SMTNL2: variants seen among roughly 807,000 people sequenced by gnomAD.
SMTNL2 encodes the protein smoothelin-like protein 2.
Under a neutral mutation model 44.1 loss-of-function variants are expected in SMTNL2, and 43 were observed. The observed-to-expected ratio is 0.98, with a 90% CI of 0.76 to 1.26. SMTNL2 has a LOEUF of 1.26. Among genes scored for constraint, SMTNL2 ranks in the 50% most tolerant of loss-of-function variants. The pLI is 0.00. For missense variants in SMTNL2, 646 were observed against 670.2 expected (o/e 0.96, Z 0.40); for synonymous variants, 317 against 287.6 (o/e 1.10, Z -1.03).
intron 7 of SMTNL2, among the ~76,000 whole-genome samples, chr17:4,599,978 A>T (rs890798914): frequency 3.3e-5 from 5 of 152,012 alleles, no homozygotes; most frequent in African/African-American, 9.7e-5. Flanking sequence ...GAAGCCGCTG[A>T]GATGAGTTCT....
Position 4,596,856 on chromosome 17 carries a change from G to T in SMTNL2, c.990-4G>T. 2.1e-6 allele frequency: 3 copies of T among 1,457,058 alleles called. No homozygotes were observed. Among genetic ancestry groups the T allele is most frequent in the South Asian group, 1.4e-5 (1 of 73,136 alleles). The allele number at this position is 1,457,058 out of a possible 1,614,324, so 90.3% of individuals were successfully genotyped here. The stretch of plus-strand genomic sequence containing the variant: ...CCCGCAGCAGGCCTGCCGTCTCTCC[G>T]CAGGGGGAAAGGCGAGGCCCGGGCC... On this transcript the variant is annotated splice_polypyrimidine_tract_variant and splice_region_variant and intron_variant, in intron 5 of 7. Coordinates refer to ENST00000389313, the MANE Select transcript of SMTNL2 (RefSeq NM_001114974.2).
In SMTNL2 at chr17:4,592,765, T is replaced by C. The variant is rs919404313; in HGVS notation, c.488-164T>C. Among the ~76,000 whole-genome samples the C allele has an allele frequency of 6.6e-6, 1 of 152,052 alleles. No individual in the cohort carries two copies. The highest frequency in any genetic ancestry group is 2.4e-5 in the African/African-American group (1 of 41,412). On this transcript the variant is annotated intron_variant, in intron 2 of 7. Coordinates refer to ENST00000389313, the MANE Select transcript of SMTNL2 (RefSeq NM_001114974.2). The surrounding 1 kb of genome is among the most constrained non-coding windows in gnomAD (Gnocchi z 4.5). Reference sequence around the variant, plus strand: ...GAAAAATCAATTCTGGTTGGAGCAGTAAGATATCCCTGGTAGGGGAGGTCA... The same window carrying C: ...GAAAAATCAATTCTGGTTGGAGCAGCAAGATATCCCTGGTAGGGGAGGTCA...
rs1453443482 is a variant in SMTNL2 at position 4,592,586 on chromosome 17, G to A, written c.487+138G>A. Reference sequence around the variant, plus strand: ...CTGAACCCCAGCAGGGAGAGAGGCTGCCAGGAGAGCAGCGTCATTCAGTAG... The same window carrying A: ...CTGAACCCCAGCAGGGAGAGAGGCTACCAGGAGAGCAGCGTCATTCAGTAG... On this transcript the variant is annotated intron_variant, in intron 2 of 7. Coordinates refer to ENST00000389313, the MANE Select transcript of SMTNL2 (RefSeq NM_001114974.2). This position sits in a 1 kb window ranked among gnomAD's most constrained non-coding sequence, Gnocchi z 4.5. 2 of 780,792 alleles carry A rather than the reference G, an allele frequency of 2.6e-6. No homozygotes were observed. The highest frequency in any genetic ancestry group is 4.0e-6 in the Non-Finnish European group (2 of 497,970). The allele number at this position is 780,792 out of a possible 1,614,324, so 48.4% of individuals were successfully genotyped here.
In SMTNL2 at chr17:4,600,962, A is replaced by G. The variant is rs2150524902; in HGVS notation, c.1259+3639A>G. ...GTCTGCATTTAGAGCAGGCTTAAAA[A>G]AATAAAAATAACCCCCAAGCCCATC... On this transcript the variant is annotated intron_variant, in intron 7 of 7. Coordinates refer to ENST00000389313, the MANE Select transcript of SMTNL2 (RefSeq NM_001114974.2). The surrounding 1 kb of genome is among the most constrained non-coding windows in gnomAD (Gnocchi z 4.7). Among the ~76,000 whole-genome samples, 1 of 152,292 alleles carries G rather than the reference A, an allele frequency of 6.6e-6. No homozygotes were observed. The highest frequency in any genetic ancestry group is 2.1e-4 in the South Asian group (1 of 4,828).
intron 3 of SMTNL2, 138 bp downstream of exon 3, chr17:4,593,309 C>T (rs917339584): frequency 7.7e-6 from 10 of 1,299,366 alleles, no homozygotes; most frequent in Non-Finnish European, 1.0e-5. Flanking sequence ...CCTGCCATGT[C>T]AGCCCCTTCC....
At chr17:4,601,132 C>T (rs374876607) in intron 7 of SMTNL2, among the ~76,000 whole-genome samples, 2 of 152,192 alleles carry the variant, frequency 1.3e-5, no homozygotes, top group Non-Finnish European at 1.5e-5. Flanking sequence ...GGATTGGCCG[C>T]GCACAGTGGC....
At chr17:4,584,229 C>T (rs1364487722), upstream of SMTNL2, 2 of 177,316 alleles carry the variant, frequency 1.1e-5, no homozygotes, top group Non-Finnish European at 2.4e-5. Flanking sequence ...CTGGGCCTTG[C>T]GGGTGAGAGT....
chr17:4,591,503 G>A (rs911249020), intron 1 of SMTNL2, among the ~76,000 whole-genome samples: 5 of 152,218 alleles, frequency 3.3e-5, no homozygotes, highest in African/African-American at 4.8e-5. Flanking sequence ...GGGAGTCCTC[G>A]GGCCCCATCT....
In SMTNL2 at chr17:4,584,910, CCCCGCCCGCGCCCGGGGTT is replaced by C; in HGVS notation, c.310_328del (p.Pro104ThrfsTer36). 7.7e-7 allele frequency: 1 copy of C among 1,292,862 alleles called. No individual in the cohort carries two copies. The highest frequency in any genetic ancestry group is 2.3e-5 in the South Asian group (1 of 42,662). 80.1% of individuals were successfully genotyped at this position (1,292,862 alleles called of 1,614,324 possible). ...CCCGGCACTCCCGGCACGCCCAGCC[CCCCGCCCGCGCCCGGGGTT>C]CCCGACCGCGCGCCCCGCCTGGGCA... On this transcript the variant is annotated frameshift_variant, in exon 1 of 8. Transcript: ENST00000389313. LOFTEE classifies it high-confidence loss of function.
At position 4,595,554 on chromosome 17, in the gene SMTNL2, C is replaced by G. The variant is rs938011229; in HGVS notation, c.989+227C>G. On this transcript the variant is annotated intron_variant, in intron 5 of 7. Coordinates refer to ENST00000389313, the MANE Select transcript of SMTNL2 (RefSeq NM_001114974.2). This position sits in a 1 kb window ranked among gnomAD's most constrained non-coding sequence, Gnocchi z 5.1. ...GGGGAGATGGCTGTGAGGCAGGGAG[C>G]CAGGAAGGCTTGGTGAGAGCCCCTC... Among the ~76,000 whole-genome samples, 2 of 152,332 alleles carry G rather than the reference C, an allele frequency of 1.3e-5. No homozygotes were observed. Among genetic ancestry groups the G allele is most frequent in the African/African-American group, 4.8e-5 (2 of 41,576 alleles).
At chr17:4,605,901 T>G (rs1195836796) in intron 7 of SMTNL2, among the ~76,000 whole-genome samples, 1 of 152,090 alleles carries the variant, frequency 6.6e-6, no homozygotes, top group Non-Finnish European at 1.5e-5. Context: ...CTGTTGTTAT[T>G]TCAGGACTCG....
At chr17:4,605,689 C>T (rs1046689354) in intron 7 of SMTNL2, among the ~76,000 whole-genome samples, 2 of 152,146 alleles carry the variant, frequency 1.3e-5, no homozygotes, top group African/African-American at 2.4e-5. Context: ...AAAAAATAGA[C>T]TGGAGACCCC....
chr17:4,593,725 C>T (rs557008989), intron 3 of SMTNL2, 97 bp from the exon 4 acceptor site: 184 of 1,238,638 alleles, frequency 1.5e-4, no homozygotes, highest in African/African-American at 2.4e-4. Context: ...GCAGCGATGC[C>T]GGGTAAATGA....
chr17:4,599,041 C>T (rs745354004), intron 7 of SMTNL2, among the ~76,000 whole-genome samples: 22 of 152,186 alleles, frequency 1.4e-4, no homozygotes, highest in Non-Finnish European at 2.5e-4. Context: ...TTGTAAGTCT[C>T]GCTTTGACCT....
At chr17:4,588,762 G>C (rs1485988215) in intron 1 of SMTNL2, among the ~76,000 whole-genome samples, 1 of 152,246 alleles carries the variant, frequency 6.6e-6, no homozygotes, top group Non-Finnish European at 1.5e-5. Flanking sequence ...ACTTTGCCTT[G>C]AGTTGTCCTC....
chr17:4,590,012 G>T (rs1033896314), intron 1 of SMTNL2, among the ~76,000 whole-genome samples: 3 of 123,568 alleles, frequency 2.4e-5, no homozygotes. Context: ...TGTTGCTCAG[G>T]CTGGAGTGCA....
chr17:4,585,699 G>C (rs1346856259), intron 1 of SMTNL2, among the ~76,000 whole-genome samples: 1 of 152,272 alleles, frequency 6.6e-6, no homozygotes, highest in Non-Finnish European at 1.5e-5. Flanking sequence ...GGGCCACCCA[G>C]AGCAGTTAGA....
At chr17:4,593,204 C>T in intron 3 of SMTNL2, 33 bp downstream of exon 3, 1 of 1,541,724 alleles carries the variant, frequency 6.5e-7, no homozygotes, top group Non-Finnish European at 8.8e-7. Context: ...TTGGGGCAGA[C>T]CTCCCCTTGG....
At chr17:4,601,512 ATGATTGATTGAT>A (rs3080230) in intron 7 of SMTNL2, among the ~76,000 whole-genome samples, 7 of 151,854 alleles carry the variant, frequency 4.6e-5, no homozygotes, top group Admixed American at 2.0e-4. Flanking sequence ...TTCTGTTTGA[ATGATTGATTGAT>A]TGATTGATTG....
Sources: gnomAD v4.1 joint callset for allele counts (sites outside exome capture counted in the v4.1 genomes callset) on GRCh38, gnomAD v4.1.1 for gene constraint, Gnocchi (gnomAD v3.1) non-coding constraint, MANE v1.5 for transcripts, NCBI Gene and HGNC (gene_info 2026-07-23, HGNC 2026-07-21) for gene names.